LINGO2: variants seen among roughly 807,000 people sequenced by gnomAD.
The protein encoded by LINGO2 is leucine rich repeat and Ig domain containing 2.
A neutral mutation model predicts 30.6 loss-of-function variants in LINGO2; 14 were observed. The observed-to-expected ratio is 0.46, with a 90% CI of 0.30 to 0.72. The LOEUF is 0.72. Ranked by LOEUF, LINGO2 falls within the 30% of genes least tolerant of loss-of-function variation. LINGO2 has a pLI of 0.07. For synonymous variants in LINGO2, 317 were observed against 288.5 expected (o/e 1.10, Z -1.00); for missense variants, 729 against 751.7 (o/e 0.97, Z 0.35).
chr9:29,172,005 T>C, the LINGO2 span, among the ~76,000 whole-genome samples: 1 of 151,936 alleles, frequency 6.6e-6, no homozygotes, highest in East Asian at 1.9e-4. Context: ...AATGAGAAAA[T>C]ACTACTGATT....
At chr9:29,187,780 A>ATTTTTTTTTTTTTTTTTTTT in the LINGO2 span, among the ~76,000 whole-genome samples, 1 of 118,848 alleles carries the variant, frequency 8.4e-6, no homozygotes, top group Non-Finnish European at 1.7e-5. Flanking sequence ...ATACATTTCA[A>ATTTTTTTTTTTTTTTTTTTT]TTTTTTTTTT....
chr9:28,182,529 C>G (rs1036159585), intron 4 of LINGO2, among the ~76,000 whole-genome samples: 1 of 152,152 alleles, frequency 6.6e-6, no homozygotes, highest in Admixed American at 6.5e-5. Context: ...GAACAGGCAA[C>G]CTACAGAATG....
intron 1 of LINGO2, among the ~76,000 whole-genome samples, chr9:28,549,757 T>C (rs1822176348): frequency 6.6e-6 from 1 of 151,924 alleles, no homozygotes; most frequent in African/African-American, 2.4e-5. Flanking sequence ...AAAGTATTAA[T>C]TTTTACATAT....
chr9:29,086,319 A>G, the LINGO2 span, among the ~76,000 whole-genome samples: 2 of 152,120 alleles, frequency 1.3e-5, no homozygotes, highest in African/African-American at 4.8e-5. Flanking sequence ...TATGAAATAG[A>G]GCCCTAAATT....
At chr9:28,703,461 G>T in the LINGO2 span, among the ~76,000 whole-genome samples, 1 of 151,192 alleles carries the variant, frequency 6.6e-6, no homozygotes, top group African/African-American at 2.4e-5. Context: ...ATTTCACTCT[G>T]GTCTGAGAAC....
chr9:29,071,778 C>T, the LINGO2 span, among the ~76,000 whole-genome samples: 1 of 151,826 alleles, frequency 6.6e-6, no homozygotes, highest in Non-Finnish European at 1.5e-5. Context: ...ATTAAAGTCA[C>T]ACATACCCTG....
intron 1 of LINGO2, among the ~76,000 whole-genome samples, chr9:28,509,506 T>A (rs762677693): frequency 1.2e-4 from 18 of 152,194 alleles, no homozygotes; most frequent in Non-Finnish European, 2.6e-4. Flanking sequence ...TGAGAAAACA[T>A]TGTTTTACAT....
At chr9:28,357,416 T>G (rs1239176339) in intron 3 of LINGO2, among the ~76,000 whole-genome samples, 1 of 151,330 alleles carries the variant, frequency 6.6e-6, no homozygotes, top group Admixed American at 6.6e-5. Flanking sequence ...AGCAAATATT[T>G]AGTGTAGAAT....
At chr9:28,171,895 C>T (rs1218159798) in intron 4 of LINGO2, among the ~76,000 whole-genome samples, 1 of 149,178 alleles carries the variant, frequency 6.7e-6, no homozygotes, top group African/African-American at 2.5e-5. Flanking sequence ...GGTGGCGGGC[C>T]CCTGTAGTTC....
At chr9:28,400,264 C>A (rs562931325) in intron 2 of LINGO2, among the ~76,000 whole-genome samples, 3 of 152,310 alleles carry the variant, frequency 2.0e-5, no homozygotes, top group South Asian at 4.1e-4. Flanking sequence ...CTCTTATGAT[C>A]TGTGGGAGCT....
rs557457645 is a variant in LINGO2, at chr9:28,651,138, G to C, written c.-365+19062C>G. Among the ~76,000 whole-genome samples, 195 of 151,622 alleles carry C rather than the reference G, an allele frequency of 1.3e-3. 1 individual carries two copies. Among genetic ancestry groups the C allele is most frequent in the Admixed American group, 2.7e-3 (41 of 15,194 alleles). ...GCAGAGCTTGCAGTGAGCAGAGACT[G>C]TGACACTGTACTCCAGCCTGGGCGA... On this transcript the variant is annotated intron_variant, in intron 1 of 5. Transcript: ENST00000379992.
chr9:28,826,881 A>C, the LINGO2 span, among the ~76,000 whole-genome samples: 12 of 152,154 alleles, frequency 7.9e-5, no homozygotes, highest in Admixed American at 2.6e-4. Flanking sequence ...AGGGCAATGT[A>C]AGTTTGACTC....
chr9:28,496,731 T>G (rs2135293696), intron 1 of LINGO2, among the ~76,000 whole-genome samples: 1 of 152,302 alleles, frequency 6.6e-6, no homozygotes, highest in East Asian at 1.9e-4. Flanking sequence ...TGCTCATTAG[T>G]TGATGCAGTT....
the LINGO2 span, among the ~76,000 whole-genome samples, chr9:28,759,564 C>G: frequency 2.8e-4 from 43 of 151,846 alleles, 1 homozygote; most frequent in African/African-American, 9.7e-4. Context: ...CGCCTGCAGT[C>G]CCAGCTACTC....
intron 2 of LINGO2, among the ~76,000 whole-genome samples, chr9:28,434,312 T>TAAAAATTACTAAAATAAA (rs1423808107): frequency 7.5e-6 from 1 of 133,024 alleles, no homozygotes; most frequent in Non-Finnish European, 1.6e-5. Flanking sequence ...ACCTGTACCC[T>TAAAAATTACTAAAATAAA]AAAAATTACT....
chr9:28,373,294 T>A, intron 2 of LINGO2, among the ~76,000 whole-genome samples: 1 of 152,184 alleles, frequency 6.6e-6, no homozygotes, highest in Non-Finnish European at 1.5e-5. Flanking sequence ...CTTCTCAGGT[T>A]CTATATTTCT....
At chr9:28,020,857 T>C (rs1470435310) in intron 4 of LINGO2, among the ~76,000 whole-genome samples, 1 of 152,176 alleles carries the variant, frequency 6.6e-6, no homozygotes, top group Non-Finnish European at 1.5e-5. Context: ...CATTTAAACC[T>C]CCTTGGAATC....
chr9:28,547,144 G>C (rs1348259454), intron 1 of LINGO2, among the ~76,000 whole-genome samples: 1 of 152,048 alleles, frequency 6.6e-6, no homozygotes, highest in Non-Finnish European at 1.5e-5. Flanking sequence ...CTTTTTGCCA[G>C]CATCTGAAGT....
intron 4 of LINGO2, among the ~76,000 whole-genome samples, chr9:28,079,574 A>G (rs577633124): frequency 4.6e-5 from 7 of 152,254 alleles, no homozygotes; most frequent in Non-Finnish European, 1.0e-4. Context: ...AATTTTTTAG[A>G]TCTCCTCTGC....
Sources: allele counts gnomAD v4.1 joint callset (sites outside exome capture counted in the v4.1 genomes callset), GRCh38; gene constraint gnomAD v4.1.1; transcripts MANE v1.5; gene names NCBI Gene and HGNC (gene_info 2026-07-23, HGNC 2026-07-21).